SLC10A2: variants seen among roughly 807,000 people sequenced by gnomAD.
SLC10A2 encodes ileal sodium/bile acid cotransporter.
SLC10A2 carries 34 observed loss-of-function variants against 27.1 expected under a neutral mutation model. The observed-to-expected ratio is 1.26, with a 90% CI of 0.96 to 1.67. The LOEUF (loss-of-function observed/expected upper bound fraction) is 1.67, where lower values mean the gene tolerates loss of function less well. Among genes scored for constraint, SLC10A2 ranks in the 40% most tolerant of loss-of-function variants. The pLI is 0.00. For synonymous variants in SLC10A2, 205 were observed against 174.0 expected (o/e 1.18, Z -1.40); for missense variants, 530 against 444.4 (o/e 1.19, Z -1.73).
intron 2 of SLC10A2, among the ~76,000 whole-genome samples, chr13:103,054,879 C>T (rs1347209540): frequency 2.0e-5 from 3 of 152,056 alleles, no homozygotes; most frequent in Non-Finnish European, 4.4e-5. Context: ...TTTACGTATG[C>T]CTCATATGCC....
At chr13:103,050,328 G>A (rs1436134718) in intron 4 of SLC10A2, among the ~76,000 whole-genome samples, 9 of 152,110 alleles carry the variant, frequency 5.9e-5, no homozygotes, top group South Asian at 2.1e-4. Flanking sequence ...CAAACACTGC[G>A]CTCTTCTTGC....
rs553484714 is a variant in SLC10A2, at chr13:103,066,009, G to A, written c.241C>T (p.Leu81Phe). The A allele has an allele frequency of 2.6e-5, 42 of 1,614,014 alleles. 1 individual carries two copies. The South Asian group carries it at 4.6e-4, about 18-fold the overall frequency. ...GFLCQFGIMP[L>F]TGFILSVAFD... ...GCCACCGACAGGATGAATCCTGTGA[G>A]GGGCATGATTCCAAACTGACAGAGG... is the stretch of plus-strand genomic sequence containing the variant. The change falls in exon 1 of 6, where the codon CTC becomes TTC. Residue 81 changes from leucine (L) to phenylalanine (F), a missense_variant. Transcript: ENST00000245312.
At chr13:103,050,864 G>A (rs959039418) in intron 4 of SLC10A2, among the ~76,000 whole-genome samples, 4 of 152,114 alleles carry the variant, frequency 2.6e-5, no homozygotes, top group Admixed American at 6.6e-5. Flanking sequence ...CTAACACTCC[G>A]CACCTCAGGA....
chr13:103,060,357 T>C (rs1266914547), intron 1 of SLC10A2, among the ~76,000 whole-genome samples: 2 of 151,094 alleles, frequency 1.3e-5, no homozygotes, highest in African/African-American at 4.9e-5. Context: ...CAAAGCACTC[T>C]ATTAAGAGCT....
chr13:103,047,625 A>G (rs1405471244), intron 5 of SLC10A2, among the ~76,000 whole-genome samples: 1 of 145,392 alleles, frequency 6.9e-6, no homozygotes, highest in Non-Finnish European at 1.5e-5. Flanking sequence ...TCCTAGCCTT[A>G]CCACCAAAAT....
At chr13:103,051,528 C>A in intron 3 of SLC10A2, 96 bp from the exon 4 acceptor site, 1 of 1,323,070 alleles carries the variant, frequency 7.6e-7, no homozygotes. Flanking sequence ...CTCCTTGTCC[C>A]TGGGGGAAGT....
rs1875570457 is a variant in SLC10A2 at position 103,045,182 on chromosome 13, T to G, written c.*951A>C. 1 of 152,264 alleles carries G rather than the reference T, an allele frequency of 6.6e-6. No individual in the cohort carries two copies. The highest frequency in any genetic ancestry group is 6.5e-5 in the Admixed American group (1 of 15,286). 9.4% of individuals were successfully genotyped at this position (152,264 alleles called of 1,614,324 possible). A position where few individuals can be genotyped will look rare whatever the true frequency, so the allele number is the denominator to read the frequency against. ...TACTATCTCCCATTGAATTAATTCC[T>G]CCACTAGAGTCTTGGTGTTTCTCTC... On this transcript the variant is annotated 3_prime_UTR_variant, in exon 6 of 6. Coordinates refer to ENST00000245312, the MANE Select transcript of SLC10A2 (RefSeq NM_000452.3).
At chr13:103,047,236 C>A (rs572639342) in intron 5 of SLC10A2, among the ~76,000 whole-genome samples, 72 of 152,254 alleles carry the variant, frequency 4.7e-4, no homozygotes, top group African/African-American at 1.7e-3. Flanking sequence ...CATTATGATA[C>A]ACAGCTGAGA....
chr13:103,046,521 T>C (rs1436476534), intron 5 of SLC10A2, among the ~76,000 whole-genome samples: 3 of 152,184 alleles, frequency 2.0e-5, no homozygotes, highest in African/African-American at 7.2e-5. Context: ...CATTCAGCCC[T>C]GCACGTGGTA....
At chr13:103,054,627 C>T (rs1875889052) in intron 2 of SLC10A2, among the ~76,000 whole-genome samples, 2 of 152,054 alleles carry the variant, frequency 1.3e-5, no homozygotes, top group African/African-American at 4.8e-5. Flanking sequence ...TTGAGGCAGC[C>T]CAAGCCAACG....
In SLC10A2 at chr13:103,046,096, C is replaced by T. The variant is rs200736677; in HGVS notation, c.*37G>A. 29 of 1,610,510 alleles carry T rather than the reference C, an allele frequency of 1.8e-5. No homozygotes were observed. The East Asian group carries it at 2.5e-4, about 14-fold the overall frequency. ...ATTAAATATAGTTACGGTTTAAGAACGTAATTTGGAACTCGTCTGTTTTGT... is the reference window on the plus strand; with the variant it reads ...ATTAAATATAGTTACGGTTTAAGAATGTAATTTGGAACTCGTCTGTTTTGT... On this transcript the variant is annotated 3_prime_UTR_variant, in exon 6 of 6. Transcript: ENST00000245312.
chr13:103,055,813 A>G (rs911423926), intron 2 of SLC10A2, among the ~76,000 whole-genome samples: 1 of 152,236 alleles, frequency 6.6e-6, no homozygotes, highest in African/African-American at 2.4e-5. Flanking sequence ...ATATAAAGGA[A>G]TAAGTACATT....
intron 5 of SLC10A2, 91 bp downstream of exon 5, chr13:103,049,198 C>G: frequency 1.5e-6 from 2 of 1,359,666 alleles, no homozygotes; most frequent in South Asian, 2.3e-5. Context: ...CAATTCACCA[C>G]CAGGAACGGG....
chr13:103,058,303 C>A lies in SLC10A2; in HGVS notation c.457G>T (p.Val153Phe). Residue 153 changes from valine (V) to phenylalanine (F), a missense_variant, in exon 2 of 6, where the codon GTC becomes TTC. Transcript: ENST00000245312. Reference sequence around the variant, plus strand: ...GGAATTACGATGCTCCCAGAGTCGACCCACATTTTGGTATAGATAAGGAGG... The same window carrying A: ...GGAATTACGATGCTCCCAGAGTCGAACCACATTTTGGTATAGATAAGGAGG... ...LCLLIYTKMW[V>F]DSGSIVIPYD... 6.2e-7 allele frequency: 1 copy of A among 1,612,974 alleles called. No homozygotes were observed. The highest frequency in any genetic ancestry group is 8.5e-7 in the Non-Finnish European group (1 of 1,179,038).
At chr13:103,057,224 T>G (rs1595440820) in intron 2 of SLC10A2, among the ~76,000 whole-genome samples, 1 of 152,340 alleles carries the variant, frequency 6.6e-6, no homozygotes, top group East Asian at 1.9e-4. Context: ...TTTACTATTT[T>G]GCCCACATCT....
At chr13:103,053,081 G>GGTGTGTGTGT (rs143709540) in intron 2 of SLC10A2, among the ~76,000 whole-genome samples, 104 of 145,180 alleles carry the variant, frequency 7.2e-4, no homozygotes, top group Admixed American at 2.0e-3. Context: ...AGCTCACCAA[G>GGTGTGTGTGT]GTGTGTGTGT....
intron 2 of SLC10A2, among the ~76,000 whole-genome samples, chr13:103,054,619 GAGGC>G (rs1454490663): frequency 6.6e-6 from 1 of 152,078 alleles, no homozygotes; most frequent in African/African-American, 2.4e-5. Context: ...TCATCTTTTT[GAGGC>G]AGCCCAAGCC....
chr13:103,063,303 T>A (rs1171267082), intron 1 of SLC10A2, among the ~76,000 whole-genome samples: 2 of 152,134 alleles, frequency 1.3e-5, no homozygotes, highest in African/African-American at 2.4e-5. Flanking sequence ...AATGTTTTGG[T>A]TTCTTCTCCC....
chr13:103,046,255 C>G lies in SLC10A2; in HGVS notation c.925G>C (p.Val309Leu), dbSNP rs775436818. ...TTTCCATGACATTTCTTGTATGCCA[C>G]ATAAACTAGAAAACAATACACAGAC... ...AFAAIFLGFYVAYKKCHGKNK... is the reference protein window; with the variant it reads ...AFAAIFLGFYLAYKKCHGKNK... Residue 309 changes from valine to leucine, a missense_variant, in exon 6 of 6, where the codon GTG becomes CTG. By Grantham distance (32) the Val-to-Leu change is conservative. Coordinates refer to ENST00000245312, the MANE Select transcript of SLC10A2 (RefSeq NM_000452.3). 3.6e-5 allele frequency: 58 copies of G among 1,611,354 alleles called. No individual in the cohort carries two copies. The highest frequency in any genetic ancestry group is 4.7e-5 in the Non-Finnish European group (55 of 1,177,996).
Sources: allele counts gnomAD v4.1 joint callset (sites outside exome capture counted in the v4.1 genomes callset), GRCh38; gene constraint gnomAD v4.1.1; transcripts MANE v1.5; gene names NCBI Gene and HGNC (gene_info 2026-07-23, HGNC 2026-07-21).